The following JARID2 variants were observed in gnomAD, a reference collection of about 807,000 sequenced individuals.
The protein encoded by JARID2 is jumonji and AT-rich interaction domain containing 2.
In JARID2, 21 loss-of-function variants were observed where a neutral mutation model predicts 125.6. The observed-to-expected ratio is 0.17, with a 90% CI of 0.12 to 0.24. JARID2 has a LOEUF of 0.24. Among genes scored for constraint, JARID2 ranks in the 10% least tolerant of loss-of-function variants. The pLI, the probability that JARID2 is intolerant of heterozygous loss-of-function variation, is 1.00. For missense variants in JARID2, 1,303 were observed against 1,639.6 expected (o/e 0.79, Z 3.55); for synonymous variants, 736 against 661.6 (o/e 1.11, Z -1.73).
rs1307512650 is a variant in JARID2, at chr6:15,521,383, A to G, written c.*1132A>G. 7.3e-6 allele frequency: 1 copy of G among 137,182 alleles called. No homozygotes were observed. The highest frequency in any genetic ancestry group is 2.7e-5 in the African/African-American group (1 of 36,626). 8.5% of individuals were successfully genotyped at this position (137,182 alleles called of 1,614,324 possible). A position where few individuals can be genotyped will look rare whatever the true frequency, so the allele number is the denominator to read the frequency against. ...ATCCCTTTTGTACATATGCCTGTAA[A>G]TTGTTTTAAATACTTGAGCCTTTTT... On this transcript the variant is annotated 3_prime_UTR_variant, in exon 18 of 18. Coordinates refer to ENST00000341776, the MANE Select transcript of JARID2 (RefSeq NM_004973.4).
At chr6:15,305,524 T>A (rs1473749248) in intron 1 of JARID2, among the ~76,000 whole-genome samples, 1 of 152,240 alleles carries the variant, frequency 6.6e-6, no homozygotes, top group Non-Finnish European at 1.5e-5. Flanking sequence ...GTTTCATTCT[T>A]TAGTGCTGTT....
At chr6:15,453,534 G>A (rs1768014475) in intron 4 of JARID2, among the ~76,000 whole-genome samples, 2 of 152,200 alleles carry the variant, frequency 1.3e-5, no homozygotes, top group African/African-American at 4.8e-5. Context: ...TGGTGGGCCT[G>A]TTAGGAGTAA....
At chr6:15,380,675 A>AC (rs1056687835) in intron 2 of JARID2, among the ~76,000 whole-genome samples, 10 of 151,952 alleles carry the variant, frequency 6.6e-5, no homozygotes, top group Admixed American at 5.9e-4. Context: ...TGTAGCCAAC[A>AC]CCCCCCAAGC....
At chr6:15,391,935 T>C (rs536656646) in intron 2 of JARID2, among the ~76,000 whole-genome samples, 1 of 152,290 alleles carries the variant, frequency 6.6e-6, no homozygotes, top group Non-Finnish European at 1.5e-5. Flanking sequence ...TTTTGCAGAA[T>C]GTGGAGGGAA....
At chr6:15,503,658 C>T (rs530228943) in intron 8 of JARID2, among the ~76,000 whole-genome samples, 1 of 152,334 alleles carries the variant, frequency 6.6e-6, no homozygotes, top group Admixed American at 6.5e-5. Flanking sequence ...ACTGCTCTGT[C>T]TCCAGCCCCT....
At chr6:15,385,453 G>A (rs184146058) in intron 2 of JARID2, among the ~76,000 whole-genome samples, 5 of 151,584 alleles carry the variant, frequency 3.3e-5, no homozygotes, top group African/African-American at 4.8e-5. Context: ...GGACATGTGC[G>A]TGCGTTTATT....
At chr6:15,259,412 G>GCC (rs1276699566) in intron 1 of JARID2, among the ~76,000 whole-genome samples, 1 of 152,158 alleles carries the variant, frequency 6.6e-6, no homozygotes, top group Non-Finnish European at 1.5e-5. Flanking sequence ...AGTCAAATTG[G>GCC]TAGCACATGG....
chr6:15,264,922 T>C (rs1373414999), intron 1 of JARID2, among the ~76,000 whole-genome samples: 1 of 152,156 alleles, frequency 6.6e-6, no homozygotes, highest in Non-Finnish European at 1.5e-5. Context: ...CTTGCTGTAT[T>C]GTGCAAAAAA....
intron 1 of JARID2, chr6:15,368,613 A>C (rs1326270629): frequency 2.3e-6 from 1 of 428,764 alleles, no homozygotes; most frequent in Non-Finnish European, 4.7e-6. Flanking sequence ...AGGGTTTGAG[A>C]GACCGTGTCA....
intron 1 of JARID2, among the ~76,000 whole-genome samples, chr6:15,323,438 T>C (rs1762424228): frequency 6.6e-6 from 1 of 152,194 alleles, no homozygotes; most frequent in Admixed American, 6.5e-5. Flanking sequence ...CTCTCTTTGG[T>C]GCTTTTCCCT....
rs1581669335 is a variant in JARID2, at chr6:15,513,054, C to A, written c.3266+9C>A. On this transcript the variant is annotated intron_variant, in intron 15 of 17. Transcript: ENST00000341776. ...CTCCTGGATGAGCTCAGGTAACAGA[C>A]CCCCAGAGCCCACGCCAGAGAGCTG... 6.2e-6 allele frequency: 10 copies of A among 1,614,022 alleles called. No individual in the cohort carries two copies. The Middle Eastern group carries it at 5.0e-4, about 80-fold the overall frequency.
In JARID2 at chr6:15,465,459, T is replaced by C. The variant is rs117453653; in HGVS notation, c.494-3083T>C. Among the ~76,000 whole-genome samples the C allele has an allele frequency of 1.4e-4, 21 of 151,766 alleles. No individual in the cohort carries two copies. The East Asian group carries it at 3.7e-3, about 26-fold the overall frequency. On this transcript the variant is annotated intron_variant, in intron 4 of 17. Transcript: ENST00000341776. ...GAGTGATTTCTTGTCTCAAACAATA[T>C]CTTATCCTTTGTAGATATCAACAAA...
chr6:15,335,669 G>A (rs1762853989), intron 1 of JARID2, among the ~76,000 whole-genome samples: 1 of 152,054 alleles, frequency 6.6e-6, no homozygotes, highest in African/African-American at 2.4e-5. Context: ...AGTGTCCACT[G>A]TCCACACTGC....
At chr6:15,397,256 T>C (rs28684468) in intron 2 of JARID2, among the ~76,000 whole-genome samples, 1 of 152,218 alleles carries the variant, frequency 6.6e-6, no homozygotes, top group Middle Eastern at 3.2e-3. Context: ...TCACACCCTA[T>C]GTGATATGGT....
intron 5 of JARID2, among the ~76,000 whole-genome samples, chr6:15,486,805 A>ATTTTTTTTTTTTTTTTTTT (rs766075740): frequency 2.5e-5 from 1 of 40,638 alleles, no homozygotes; most frequent in African/African-American, 1.9e-4. Flanking sequence ...CTGAGAATAG[A>ATTTTTTTTTTTTTTTTTTT]CTTTTTTTTT....
chr6:15,283,273 C>T (rs187854289), intron 1 of JARID2, among the ~76,000 whole-genome samples: 16 of 150,224 alleles, frequency 1.1e-4, no homozygotes, highest in East Asian at 3.9e-4. Context: ...CCACTGCGCC[C>T]GGCCGTTCTG....
chr6:15,335,015 A>G (rs1162487632), intron 1 of JARID2, among the ~76,000 whole-genome samples: 1 of 152,198 alleles, frequency 6.6e-6, no homozygotes, highest in African/African-American at 2.4e-5. Context: ...ATAAATGGTA[A>G]TTGAAAGTCC....
intron 6 of JARID2, among the ~76,000 whole-genome samples, chr6:15,493,929 C>T (rs1770278922): frequency 6.6e-6 from 1 of 152,094 alleles, no homozygotes; most frequent in Non-Finnish European, 1.5e-5. Flanking sequence ...TTTTTTTCCT[C>T]TCCAAAAGGG....
At chr6:15,259,519 C>T (rs1561752049) in intron 1 of JARID2, among the ~76,000 whole-genome samples, 1 of 152,212 alleles carries the variant, frequency 6.6e-6, no homozygotes, top group East Asian at 1.9e-4. Context: ...ACATCTCCTT[C>T]TCAAACTGAT....
Sources: gnomAD v4.1 joint callset for allele counts (sites outside exome capture counted in the v4.1 genomes callset) on GRCh38, gnomAD v4.1.1 for gene constraint, MANE v1.5 for transcripts, NCBI Gene and HGNC (gene_info 2026-07-23, HGNC 2026-07-21) for gene names.